Variants in CASK observed in about 807,000 individuals in gnomAD.
CASK encodes calcium/calmodulin dependent serine protein kinase, also known as peripheral plasma membrane protein CASK.
A neutral mutation model predicts 82.9 loss-of-function variants in CASK; 4 were observed. The ratio of observed to expected loss-of-function variants is 0.05; its 90% CI spans 0.02 to 0.11. CASK has a LOEUF of 0.11. Among genes scored for constraint, CASK ranks in the 10% least tolerant of loss-of-function variants. The pLI is 1.00. For synonymous variants in CASK, 259 were observed against 253.5 expected (o/e 1.02, Z -0.20); for missense variants, 358 against 720.9 (o/e 0.50, Z 5.76).
chrX:41,713,292 T>C (rs998791303), intron 5 of CASK, among the ~76,000 whole-genome samples: 5 of 112,179 alleles, frequency 4.5e-5, no homozygotes, highest in Non-Finnish European at 9.4e-5. Context: ...AGAGCATGTT[T>C]GGTTGAGGTA....
chrX:41,528,929 G>A (rs919578842), intron 25 of CASK, among the ~76,000 whole-genome samples: 1 of 112,336 alleles, frequency 8.9e-6, no homozygotes, highest in Non-Finnish European at 1.9e-5. Context: ...CAGCTGTACT[G>A]TGGTATGCAA....
chrX:41,844,524 C>T (rs1340230417), intron 2 of CASK, among the ~76,000 whole-genome samples: 1 of 111,564 alleles, frequency 9.0e-6, no homozygotes, highest in Non-Finnish European at 1.9e-5. Context: ...CTCTTATAAT[C>T]CTTTTCATTT....
intron 1 of CASK, among the ~76,000 whole-genome samples, chrX:41,876,550 C>T (rs73472550): frequency 0.012 from 1,358 of 111,262 alleles, 17 homozygotes; most frequent in African/African-American, 0.043. Context: ...ATTTCAGTTG[C>T]CTTATATGTT....
intron 12 of CASK, among the ~76,000 whole-genome samples, chrX:41,593,805 G>T (rs147841061): frequency 2.7e-5 from 3 of 112,442 alleles, no homozygotes; most frequent in Non-Finnish European, 5.6e-5. Context: ...AAAAAAGTTC[G>T]AATGCGATGT....
At chrX:41,561,015 T>C (rs2147154413) in intron 17 of CASK, among the ~76,000 whole-genome samples, 1 of 111,840 alleles carries the variant, frequency 8.9e-6, no homozygotes, top group South Asian at 3.8e-4. Flanking sequence ...AACACCTCTG[T>C]CTGCTTGCTA....
intron 2 of CASK, among the ~76,000 whole-genome samples, chrX:41,808,075 G>A (rs1005179795): frequency 9.0e-6 from 1 of 111,284 alleles, no homozygotes; most frequent in Admixed American, 9.6e-5. Context: ...GGCTGGTCTC[G>A]AACTCCTGAC....
intron 3 of CASK, among the ~76,000 whole-genome samples, chrX:41,779,892 T>A (rs2069442118): frequency 9.0e-6 from 1 of 110,832 alleles, no homozygotes; most frequent in African/African-American, 3.3e-5. Flanking sequence ...ATCGCCTTTG[T>A]GAGCTACAAA....
At chrX:41,780,044 T>C (rs2069445103) in intron 3 of CASK, among the ~76,000 whole-genome samples, 1 of 111,807 alleles carries the variant, frequency 8.9e-6, no homozygotes, top group South Asian at 3.7e-4. Context: ...TTTAAATCAA[T>C]ATTTAATTAT....
intron 1 of CASK, among the ~76,000 whole-genome samples, chrX:41,911,572 A>C (rs1035071132): frequency 8.9e-6 from 1 of 112,379 alleles, no homozygotes; most frequent in African/African-American, 3.2e-5. Flanking sequence ...GTTGTAATAA[A>C]ATTTTGGGAA....
At chrX:41,544,732 C>CA (rs34639016) in intron 21 of CASK, among the ~76,000 whole-genome samples, 12 of 104,350 alleles carry the variant, frequency 1.1e-4, no homozygotes, top group African/African-American at 1.4e-4. Context: ...AAAAAACAAA[C>CA]AAAAAAAAAT....
At chrX:41,870,061 G>GA (rs2071678257) in intron 1 of CASK, among the ~76,000 whole-genome samples, 1 of 109,476 alleles carries the variant, frequency 9.1e-6, no homozygotes, top group Non-Finnish European at 1.9e-5. Flanking sequence ...ATGAGTTAGA[G>GA]AAAATCTATG....
At chrX:41,767,372 C>T (rs1482895523) in intron 3 of CASK, among the ~76,000 whole-genome samples, 3 of 111,820 alleles carry the variant, frequency 2.7e-5, no homozygotes, top group African/African-American at 9.7e-5. Context: ...CAATCCCCTG[C>T]ATATATACTG....
At chrX:41,618,854 T>A (rs1291924900) in intron 11 of CASK, among the ~76,000 whole-genome samples, 6 of 96,837 alleles carry the variant, frequency 6.2e-5, no homozygotes, top group Non-Finnish European at 6.2e-5. Flanking sequence ...TGAGACAGAG[T>A]CTCACTCTGT....
chrX:41,816,621 GAA>G lies in CASK; in HGVS notation c.173-29340_173-29339del, dbSNP rs376196179. Among the ~76,000 whole-genome samples, 669 of 97,115 alleles carry G rather than the reference GAA, an allele frequency of 6.9e-3. 8 individuals are homozygous for G. Among genetic ancestry groups the G allele is most frequent in the African/African-American group, 0.024 (640 of 26,841 alleles). The allele number at this position is 97,115 out of a possible 115,157, so 84.3% of individuals were successfully genotyped here. On this transcript the variant is annotated intron_variant, in intron 2 of 26. Coordinates refer to ENST00000378163, the MANE Select transcript of CASK (RefSeq NM_001367721.1). Reference sequence around the variant, plus strand: ...GATAAACCTCTAGCCAGGCTGCTCAGAAAAAAAAAAAGAGAGAAAACACATGA... The same window carrying G: ...GATAAACCTCTAGCCAGGCTGCTCAGAAAAAAAAAGAGAGAAAACACATGA...
intron 2 of CASK, among the ~76,000 whole-genome samples, chrX:41,831,320 A>G (rs1486284010): frequency 2.7e-5 from 3 of 111,487 alleles, no homozygotes; most frequent in Non-Finnish European, 5.7e-5. Context: ...TGGCTCTACC[A>G]CTTCCTGTGC....
chrX:41,718,449 G>A lies in CASK; in HGVS notation c.429+20935C>T, dbSNP rs148136136. On this transcript the variant is annotated intron_variant, in intron 5 of 26. Coordinates refer to ENST00000378163, the MANE Select transcript of CASK (RefSeq NM_001367721.1). ...TCTGAAGGTAGGAAGAAGTCTTGGGGACTCAGCCTTCAACCTGTGGGATCT... is the reference window on the plus strand; with the variant it reads ...TCTGAAGGTAGGAAGAAGTCTTGGGAACTCAGCCTTCAACCTGTGGGATCT... Among the ~76,000 whole-genome samples the A allele has an allele frequency of 3.1e-3, 345 of 111,949 alleles. 1 individual carries two copies. The highest frequency in any genetic ancestry group is 0.01 in the African/African-American group (324 of 30,871).
chrX:41,832,301 T>C lies in CASK; in HGVS notation c.172+20814A>G, dbSNP rs183631624. Among the ~76,000 whole-genome samples, 17 of 112,224 alleles carry C rather than the reference T, an allele frequency of 1.5e-4. No homozygotes were observed. In the East Asian group the frequency reaches 4.8e-3, roughly 31 times the overall value. On this transcript the variant is annotated intron_variant, in intron 2 of 26. Coordinates refer to ENST00000378163, the MANE Select transcript of CASK (RefSeq NM_001367721.1). ...CAGGGGTCCTTGGAAGTTATGTCTA[T>C]GGAAGTGTCACAAAAGGTGACATTC...
chrX:41,627,004 GT>G (rs1452297144), intron 9 of CASK, among the ~76,000 whole-genome samples: 6 of 111,980 alleles, frequency 5.4e-5, no homozygotes, highest in Admixed American at 2.8e-4. Flanking sequence ...GTAGAAGGGT[GT>G]TTAGTGGAAT....
intron 1 of CASK, among the ~76,000 whole-genome samples, chrX:41,880,381 T>G (rs2071926137): frequency 9.0e-6 from 1 of 111,564 alleles, no homozygotes; most frequent in Admixed American, 9.6e-5. Context: ...AAGTTTGGAT[T>G]CAGATTCCAA....
Sources: allele counts gnomAD v4.1 joint callset (sites outside exome capture counted in the v4.1 genomes callset), GRCh38; gene constraint gnomAD v4.1.1; transcripts MANE v1.5; gene names NCBI Gene and HGNC (gene_info 2026-07-23, HGNC 2026-07-21).